FHIT: variants seen among roughly 807,000 people sequenced by gnomAD.
FHIT encodes the protein bis(5'-adenosyl)-triphosphatase.
Under a neutral mutation model 17.9 loss-of-function variants are expected in FHIT, and 19 were observed. The observed-to-expected ratio is 1.06, with a 90% confidence interval of 0.74 to 1.56. The LOEUF (loss-of-function observed/expected upper bound fraction) is 1.56, where lower values mean the gene tolerates loss of function less well. FHIT is among the 40% of genes most tolerant of loss of function. The pLI is 0.00. For synonymous variants in FHIT, 81 were observed against 69.7 expected, an observed-to-expected ratio of 1.16 and a Z score of -0.81; for missense variants, 248 against 189.2, an observed-to-expected ratio of 1.31 and a Z score of -1.82.
intron 3 of FHIT, among the ~76,000 whole-genome samples, chr3:60,999,148 CAAAT>C (rs1208571480): frequency 6.6e-6 from 1 of 152,084 alleles, no homozygotes; most frequent in African/African-American, 2.4e-5. Flanking sequence ...CCTGATTAAA[CAAAT>C]AAACTCAGAC....
intron 3 of FHIT, among the ~76,000 whole-genome samples, chr3:60,860,067 A>G (rs1291654679): frequency 6.7e-6 from 1 of 148,446 alleles, no homozygotes; most frequent in Admixed American, 6.8e-5. Context: ...ATACATATAT[A>G]TGATATATCT....
intron 2 of FHIT, among the ~76,000 whole-genome samples, chr3:61,195,206 A>G (rs2038821298): frequency 6.6e-6 from 1 of 151,992 alleles, no homozygotes; most frequent in South Asian, 2.1e-4. Context: ...TAAAGCAACA[A>G]CCGGCTGAGC....
At chr3:60,094,473 T>C (rs1010137497) in intron 5 of FHIT, among the ~76,000 whole-genome samples, 1 of 152,062 alleles carries the variant, frequency 6.6e-6, no homozygotes, top group Admixed American at 6.6e-5. Context: ...ATACATCTGA[T>C]ACAGAAATGA....
chr3:60,647,567 C>G (rs923014166), intron 4 of FHIT, among the ~76,000 whole-genome samples: 1 of 152,112 alleles, frequency 6.6e-6, no homozygotes, highest in South Asian at 2.1e-4. Flanking sequence ...CTTGATCTGA[C>G]AAATGTTCAA....
At chr3:60,445,895 A>C (rs1315461848) in intron 5 of FHIT, among the ~76,000 whole-genome samples, 8 of 152,174 alleles carry the variant, frequency 5.3e-5, no homozygotes, top group East Asian at 1.9e-4. Flanking sequence ...GCCACTCTTC[A>C]AGACTGATTA....
chr3:61,076,308 T>G (rs537923043), intron 2 of FHIT, among the ~76,000 whole-genome samples: 1 of 152,264 alleles, frequency 6.6e-6, no homozygotes, highest in East Asian at 1.9e-4. Flanking sequence ...CAAGAGGTGG[T>G]ACTGGTAGAA....
intron 2 of FHIT, among the ~76,000 whole-genome samples, chr3:61,170,150 G>A (rs1560037694): frequency 6.6e-6 from 1 of 152,098 alleles, no homozygotes; most frequent in Non-Finnish European, 1.5e-5. Flanking sequence ...CTTCATCATA[G>A]GTAATAGCAA....
In FHIT at chr3:59,885,838, T is replaced by G. The variant is rs541310704; in HGVS notation, c.348+36508A>C. 7.2e-5 allele frequency among the ~76,000 whole-genome samples: 11 copies of G among 152,298 alleles called. No individual in the cohort carries two copies. In the South Asian group the frequency reaches 2.1e-3, roughly 29 times the overall value. On this transcript the variant is annotated intron_variant, in intron 8 of 9. Coordinates refer to ENST00000492590, the MANE Select transcript of FHIT (RefSeq NM_002012.4). Reference sequence around the variant, plus strand: ...ACGTGCCAGGTTTCCCATAGTGACTTATATGAACTCGCACATACTCAGGGT... The same window carrying G: ...ACGTGCCAGGTTTCCCATAGTGACTGATATGAACTCGCACATACTCAGGGT...
At position 60,808,766 on chromosome 3, in the gene FHIT, G is replaced by A. The variant is rs114662085; in HGVS notation, c.-18+13153C>T. On this transcript the variant is annotated intron_variant, in intron 4 of 9. Transcript: ENST00000492590. ...CATATTGGCTACAACTGGTCTAGTTGAGGATTTGGCTACTAGTTCTCCCCC... is the reference window on the plus strand; with the variant it reads ...CATATTGGCTACAACTGGTCTAGTTAAGGATTTGGCTACTAGTTCTCCCCC... 6.9e-3 allele frequency among the ~76,000 whole-genome samples: 1,056 copies of A among 152,286 alleles called. 4 individuals are homozygous for A. Among genetic ancestry groups the A allele is most frequent in the Middle Eastern group, 0.027 (8 of 294 alleles).
intron 4 of FHIT, among the ~76,000 whole-genome samples, chr3:60,571,335 C>G (rs1473487760): frequency 3.7e-5 from 2 of 54,674 alleles, no homozygotes; most frequent in African/African-American, 1.5e-4. Context: ...GACTCCATCG[C>G]AAAAAAAAAA....
chr3:60,034,276 T>C (rs575874898), intron 5 of FHIT, among the ~76,000 whole-genome samples: 1 of 152,226 alleles, frequency 6.6e-6, no homozygotes, highest in Non-Finnish European at 1.5e-5. Flanking sequence ...GTCATTCAGA[T>C]GAATTGTGCA....
At chr3:60,874,788 A>AGGC (rs1553755957) in intron 3 of FHIT, among the ~76,000 whole-genome samples, 58 of 152,262 alleles carry the variant, frequency 3.8e-4, no homozygotes, top group African/African-American at 1.3e-3. Flanking sequence ...AGCTAGGTCA[A>AGGC]TGCTCTAAGC....
intron 1 of FHIT, among the ~76,000 whole-genome samples, chr3:61,239,523 C>T (rs952842045): frequency 1.3e-5 from 2 of 152,002 alleles, no homozygotes; most frequent in South Asian, 4.1e-4. Context: ...GCCATTTTAT[C>T]TCAATAGGTT....
At chr3:60,273,002 C>A (rs1311455152) in intron 5 of FHIT, among the ~76,000 whole-genome samples, 1 of 152,192 alleles carries the variant, frequency 6.6e-6, no homozygotes, top group South Asian at 2.1e-4. Flanking sequence ...CTAACCTGCT[C>A]ACTGTTTCTC....
chr3:60,517,227 A>G (rs1018310566), intron 5 of FHIT, among the ~76,000 whole-genome samples: 1 of 152,232 alleles, frequency 6.6e-6, no homozygotes, highest in Non-Finnish European at 1.5e-5. Context: ...TTTCATTTTT[A>G]AAAATTGATA....
chr3:60,779,335 C>G (rs888515645), intron 4 of FHIT, among the ~76,000 whole-genome samples: 1 of 152,108 alleles, frequency 6.6e-6, no homozygotes, highest in East Asian at 1.9e-4. Context: ...CTCCTGTGAA[C>G]CAAGCAGCAA....
intron 6 of FHIT, among the ~76,000 whole-genome samples, chr3:60,013,559 A>T (rs2106694856): frequency 6.6e-6 from 1 of 152,312 alleles, no homozygotes; most frequent in East Asian, 1.9e-4. Context: ...CTAGCTTCTA[A>T]CTAATCTGTG....
chr3:60,675,413 T>G (rs17063781), intron 4 of FHIT, among the ~76,000 whole-genome samples: 9,341 of 152,244 alleles, frequency 0.061, 422 homozygotes, highest in African/African-American at 0.12. Context: ...TGCTAGCTAA[T>G]GTCTCTGCCC....
chr3:60,647,773 C>T (rs1204918508), intron 4 of FHIT, among the ~76,000 whole-genome samples: 1 of 151,932 alleles, frequency 6.6e-6, no homozygotes, highest in Non-Finnish European at 1.5e-5. Flanking sequence ...ATATGTTTTA[C>T]AGAAATATGT....
Sources: gnomAD v4.1 joint callset for allele counts (sites outside exome capture counted in the v4.1 genomes callset) on GRCh38, gnomAD v4.1.1 for gene constraint, MANE v1.5 for transcripts, NCBI Gene and HGNC (gene_info 2026-07-23, HGNC 2026-07-21) for gene names.